Variants in SYDE2 observed in about 807,000 individuals in gnomAD.
SYDE2 encodes the protein synapse defective Rho GTPase homolog 2.
A neutral mutation model predicts 91.5 loss-of-function variants in SYDE2; 76 were observed. The observed-to-expected ratio is 0.83, with a 90% CI of 0.69 to 1.01. The LOEUF (loss-of-function observed/expected upper bound fraction) is 1.01, where lower values mean the gene tolerates loss of function less well. SYDE2 is among the 50% of genes least tolerant of loss of function. The pLI, the probability that SYDE2 is intolerant of heterozygous loss-of-function variation, is 0.00. For synonymous variants in SYDE2, 513 were observed against 506.4 expected (o/e 1.01, Z -0.18); for missense variants, 1,364 against 1,367.7 (o/e 1.00, Z 0.04).
intron 2 of SYDE2, among the ~76,000 whole-genome samples, chr1:85,188,481 ATGTCCCTGAGAAAAGGTT>A (rs931881424): frequency 7.9e-5 from 12 of 152,258 alleles, no homozygotes; most frequent in African/African-American, 2.4e-4. Context: ...CCACCTTCCT[ATGTCCCTGAGAAAAGGTT>A]TGTCCCTGAG....
chr1:85,156,746 A>G (rs1232097882), downstream of SYDE2: 3 of 152,226 alleles, frequency 2.0e-5, no homozygotes, highest in Non-Finnish European at 4.4e-5. Flanking sequence ...AATTCTGGAC[A>G]AATAAATGTT....
chr1:85,190,799 C>A, intron 1 of SYDE2, 47 bp from the exon 2 acceptor site: 2 of 1,463,822 alleles, frequency 1.4e-6, no homozygotes, highest in South Asian at 1.4e-5. Flanking sequence ...GCTGGTATAT[C>A]AGAAAGACAT....
chr1:85,200,732 T>C lies in SYDE2; in HGVS notation c.265A>G (p.Ser89Gly). ...GGCGGCTTGGCACCCACCCGGAGGC[T>C]CTCGAGGCTTCTGCTGCAGGACGGC... The part of the protein sequence containing the change: ...MRPSCSRSLE[S>G]LRVGAKPPPF... Residue 89 changes from serine (S) to glycine (G), a missense_variant, in exon 1 of 7, where the codon AGC (serine) becomes GGC (glycine). Coordinates refer to ENST00000341460, the MANE Select transcript of SYDE2 (RefSeq NM_032184.2). The C allele has an allele frequency of 6.5e-7, 1 of 1,533,486 alleles. No homozygotes were observed. 95.0% of individuals were successfully genotyped at this position (1,533,486 alleles called of 1,614,324 possible).
chr1:85,174,835 A>G (rs1570245971), intron 4 of SYDE2, among the ~76,000 whole-genome samples: 1 of 152,228 alleles, frequency 6.6e-6, no homozygotes, highest in African/African-American at 2.4e-5. Flanking sequence ...GTAAAGGAAA[A>G]CGGAAACAAT....
chr1:85,172,147 A>G (rs1157232868), intron 4 of SYDE2, among the ~76,000 whole-genome samples: 1 of 152,238 alleles, frequency 6.6e-6, no homozygotes, highest in Non-Finnish European at 1.5e-5. Context: ...TTTCTCTATT[A>G]TTACAGAAAG....
chr1:85,160,281 T>C, intron 6 of SYDE2: 1 of 937,946 alleles, frequency 1.1e-6, no homozygotes, highest in Non-Finnish European at 1.3e-6. Context: ...TGAAAAACTA[T>C]AAAAACATAT....
At position 85,157,702 on chromosome 1, in the gene SYDE2, G is replaced by A. The variant is rs1232741617; in HGVS notation, c.*1048C>T. Reference sequence around the variant, plus strand: ...ATGCTTCTAGAGTATTATTGTTCAAGTGTTTTTATGTAATTCCTCCTTTAA... The same window carrying A: ...ATGCTTCTAGAGTATTATTGTTCAAATGTTTTTATGTAATTCCTCCTTTAA... On this transcript the variant is annotated 3_prime_UTR_variant, in exon 7 of 7. Coordinates refer to ENST00000341460, the MANE Select transcript of SYDE2 (RefSeq NM_032184.2). 6.6e-6 allele frequency: 1 copy of A among 152,004 alleles called. No homozygotes were observed. Among genetic ancestry groups the A allele is most frequent in the Admixed American group, 6.6e-5 (1 of 15,258 alleles). The allele number at this position is 152,004 out of a possible 1,614,324, so 9.4% of individuals were successfully genotyped here. A position where few individuals can be genotyped will look rare whatever the true frequency, so the allele number is the denominator to read the frequency against.
chr1:85,159,337 T>C (rs1439087479), intron 6 of SYDE2, 88 bp from the exon 7 acceptor site: 2 of 698,790 alleles, frequency 2.9e-6, no homozygotes, highest in Non-Finnish European at 5.1e-6. Flanking sequence ...CATTTAATCA[T>C]CAACTACAAA....
rs1570257032 is a variant in SYDE2 at position 85,182,288 on chromosome 1, C to G, written c.2354G>C (p.Arg785Thr). 1 of 1,613,674 alleles carries G rather than the reference C, an allele frequency of 6.2e-7. No homozygotes were observed. The highest frequency in any genetic ancestry group is 1.1e-5 in the South Asian group (1 of 91,012). ...AGTCACTTTCACATAAATAAGACCT[C>G]TAGGTTCAAGTTTGACAGCCAACTG... ...THQLAVKLEP[R>T]GLIYVKVTLM... The change falls in exon 3 of 7, where the codon AGA (arginine) becomes ACA (threonine). Residue 785 changes from arginine (R) to threonine (T), a missense_variant. Physicochemically the swap from Arg to Thr is moderately conservative, Grantham distance 71. Coordinates refer to ENST00000341460, the MANE Select transcript of SYDE2 (RefSeq NM_032184.2).
chr1:85,155,009 C>CAAAAAAAAAAAAAAAAAAAAAGAAA, downstream of SYDE2, among the ~76,000 whole-genome samples: 1 of 80,676 alleles, frequency 1.2e-5, no homozygotes, highest in Non-Finnish European at 2.3e-5. Context: ...AAGAATGCAG[C>CAAAAAAAAAAAAAAAAAAAAAGAAA]AAAAAAAAAA....
chr1:85,161,418 A>G lies in SYDE2; in HGVS notation c.3086-2169T>C, dbSNP rs1303533618. Among the ~76,000 whole-genome samples the G allele has an allele frequency of 2.0e-5, 3 of 152,204 alleles. No individual in the cohort carries two copies. In the East Asian group the frequency reaches 5.8e-4, roughly 29 times the overall value. On this transcript the variant is annotated intron_variant, in intron 6 of 6. Coordinates refer to ENST00000341460, the MANE Select transcript of SYDE2 (RefSeq NM_032184.2). ...CTTTTCCAAAAAACTTGCCCCAAAT[A>G]TATTTATCATAGAAAATGTGGTATA...
chr1:85,189,143 T>C (rs1261073936), intron 2 of SYDE2, among the ~76,000 whole-genome samples: 3 of 152,228 alleles, frequency 2.0e-5, no homozygotes, highest in Admixed American at 6.5e-5. Context: ...CTAATATACA[T>C]AAAACTTCAA....
chr1:85,187,327 T>C lies in SYDE2; in HGVS notation c.1441+2730A>G, dbSNP rs1658182868. ...AAAACCACAATGAGATACCATCTCA[T>C]ACCAGTTCGAATGGCAATCATTAAA... On this transcript the variant is annotated intron_variant, in intron 2 of 6. Transcript: ENST00000341460. Among the ~76,000 whole-genome samples the C allele has an allele frequency of 2.6e-5, 4 of 152,088 alleles. No homozygotes were observed. The South Asian group carries it at 8.3e-4, about 32-fold the overall frequency.
At chr1:85,176,270 A>G (rs1312620744) in intron 4 of SYDE2, among the ~76,000 whole-genome samples, 1 of 152,078 alleles carries the variant, frequency 6.6e-6, no homozygotes, top group African/African-American at 2.4e-5. Context: ...AGGTATCTCA[A>G]TTTTTTGTAG....
intron 1 of SYDE2, among the ~76,000 whole-genome samples, chr1:85,198,556 C>T (rs192894187): frequency 1.3e-3 from 195 of 152,210 alleles, no homozygotes; most frequent in Middle Eastern, 3.4e-3. Context: ...AATATTATCA[C>T]ATAATAATTG....
intron 5 of SYDE2, 45 bp downstream of exon 5, chr1:85,168,999 T>A (rs538869613): frequency 6.5e-7 from 1 of 1,543,136 alleles, no homozygotes; most frequent in African/African-American, 1.4e-5. Flanking sequence ...AGGTATACAG[T>A]TCATTAACTG....
Position 85,159,078 on chromosome 1 carries a change from T to C in SYDE2, c.3257A>G (p.Asn1086Ser), listed in dbSNP as rs373543621. The change falls in exon 7 of 7, where the codon AAT becomes AGT. Residue 1086 changes from asparagine (N) to serine (S), a missense_variant. Coordinates refer to ENST00000341460, the MANE Select transcript of SYDE2 (RefSeq NM_032184.2). ...RQNRLDSPLS[N>S]RYAGDWSSCG... ...GCTGCTCCAGTCTCCTGCATAACGA[T>C]TGCTAAGTGGACTGTCTAATCGGTT... 3.2e-5 allele frequency: 25 copies of C among 780,762 alleles called. No homozygotes were observed. The highest frequency in any genetic ancestry group is 4.5e-4 in the Middle Eastern group (2 of 4,464). 48.4% of individuals were successfully genotyped at this position (780,762 alleles called of 1,614,324 possible). A position where few individuals can be genotyped will look rare whatever the true frequency, so the allele number is the denominator to read the frequency against.
intron 1 of SYDE2, among the ~76,000 whole-genome samples, 158 bp from the exon 2 acceptor site, chr1:85,190,910 A>T (rs904103766): frequency 2.0e-5 from 3 of 152,214 alleles, no homozygotes; most frequent in Non-Finnish European, 4.4e-5. Context: ...TGAATTTTAC[A>T]TATAAATATG....
chr1:85,187,201 C>T (rs1183257554), intron 2 of SYDE2, among the ~76,000 whole-genome samples: 5 of 152,206 alleles, frequency 3.3e-5, no homozygotes, highest in South Asian at 4.1e-4. Flanking sequence ...AAAAAGTGGG[C>T]GAAGGACATG....
Sources: allele counts gnomAD v4.1 joint callset (sites outside exome capture counted in the v4.1 genomes callset), GRCh38; gene constraint gnomAD v4.1.1; transcripts MANE v1.5; gene names NCBI Gene and HGNC (gene_info 2026-07-23, HGNC 2026-07-21).